Variants in DIXDC1 observed in about 807,000 individuals in gnomAD.
DIXDC1 encodes the protein dixin.
In DIXDC1, 64 loss-of-function variants were observed where a neutral mutation model predicts 103.1. That is an observed-to-expected ratio of 0.62 (90% CI 0.51 to 0.76). DIXDC1 has a LOEUF of 0.76. Among genes scored for constraint, DIXDC1 ranks in the 30% least tolerant of loss-of-function variants. DIXDC1 has a pLI of 0.00. For synonymous variants in DIXDC1, 266 were observed against 298.5 expected (o/e 0.89, Z 1.12); for missense variants, 759 against 834.2 (o/e 0.91, Z 1.11).
intron 18 of DIXDC1, 76 bp downstream of exon 18, chr11:112,016,872 G>A (rs1046905951): frequency 1.3e-5 from 17 of 1,273,242 alleles, no homozygotes; most frequent in Non-Finnish European, 1.8e-5. Context: ...CTGCCCACAT[G>A]AGCAGCTGAA....
chr11:112,000,149 T>A (rs1157786170), intron 17 of DIXDC1, among the ~76,000 whole-genome samples: 2 of 151,384 alleles, frequency 1.3e-5, no homozygotes, highest in Non-Finnish European at 2.9e-5. Context: ...ATAATAATAA[T>A]AAAATAAAAT....
intron 4 of DIXDC1, 102 bp from the exon 5 acceptor site, chr11:111,974,774 T>C (rs1254800545): frequency 6.6e-7 from 1 of 1,518,326 alleles, no homozygotes; most frequent in Non-Finnish European, 8.9e-7. Context: ...GTCTTACTCA[T>C]GTGTGTATAC....
rs184867243 is a variant in DIXDC1 at position 111,940,994 on chromosome 11, C to T, written c.60+3435C>T. 2.6e-5 allele frequency among the ~76,000 whole-genome samples: 4 copies of T among 152,080 alleles called. No homozygotes were observed. The East Asian group carries it at 7.8e-4, about 30-fold the overall frequency. On this transcript the variant is annotated intron_variant, in intron 1 of 19. Transcript: ENST00000440460. Reference sequence around the variant, plus strand: ...GCCAGGCACGGTGGTGCATGCCTGTCGTTTCAGCTCCCTGAGAAGCTGAGG... The same window carrying T: ...GCCAGGCACGGTGGTGCATGCCTGTTGTTTCAGCTCCCTGAGAAGCTGAGG...
At chr11:112,009,503 A>C (rs1478759746) in intron 17 of DIXDC1, among the ~76,000 whole-genome samples, 9 of 151,918 alleles carry the variant, frequency 5.9e-5, no homozygotes, top group African/African-American at 2.2e-4. Flanking sequence ...GAGACATAAC[A>C]AAAAAAAGAG....
At position 112,019,854 on chromosome 11, in the gene DIXDC1, G is replaced by C. The variant is rs879982403; in HGVS notation, c.*818G>C. 6 of 152,078 alleles carry C rather than the reference G, an allele frequency of 3.9e-5. No individual in the cohort carries two copies. Among genetic ancestry groups the C allele is most frequent in the African/African-American group, 1.4e-4 (6 of 41,384 alleles). 9.4% of individuals were successfully genotyped at this position (152,078 alleles called of 1,614,324 possible). The stretch of plus-strand genomic sequence containing the variant: ...GAAAAGCTCCTTGAAAATCCAGGCG[G>C]GTATGGAAAGGTGCTGCTACCCATA... On this transcript the variant is annotated 3_prime_UTR_variant, in exon 20 of 20. Transcript: ENST00000440460.
At chr11:111,945,431 A>G (rs1966560552) in intron 1 of DIXDC1, among the ~76,000 whole-genome samples, 1 of 152,194 alleles carries the variant, frequency 6.6e-6, no homozygotes, top group Non-Finnish European at 1.5e-5. Context: ...CAACCTGGTC[A>G]TAGGACCCAC....
At chr11:111,935,528 AG>A (rs1179974888), upstream of DIXDC1, among the ~76,000 whole-genome samples, 4 of 152,220 alleles carry the variant, frequency 2.6e-5, no homozygotes, top group East Asian at 7.7e-4. Flanking sequence ...TCAACCAATC[AG>A]GATCCTCTAC....
chr11:111,975,619 A>AT, intron 5 of DIXDC1: 1 of 985,998 alleles, frequency 1.0e-6, no homozygotes, highest in Non-Finnish European at 1.2e-6. Context: ...GCTCATGTAA[A>AT]TTGTGCTTCT....
chr11:112,004,115 T>C lies in DIXDC1; in HGVS notation c.1756+7969T>C, dbSNP rs1861160966. ...GTATATATATGTGTGTGTATATGTG[T>C]ATATATATATGTGTGTGTATATATA... On this transcript the variant is annotated intron_variant, in intron 17 of 19. Coordinates refer to ENST00000440460, the MANE Select transcript of DIXDC1 (RefSeq NM_001037954.4). Among the ~76,000 whole-genome samples, 7 of 149,682 alleles carry C rather than the reference T, an allele frequency of 4.7e-5. No homozygotes were observed. The South Asian group carries it at 1.5e-3, about 31-fold the overall frequency.
chr11:111,971,592 A>G (rs782111866), intron 3 of DIXDC1, among the ~76,000 whole-genome samples: 2 of 152,212 alleles, frequency 1.3e-5, no homozygotes, highest in African/African-American at 4.8e-5. Flanking sequence ...TATATACCCA[A>G]AGGAAAATAA....
At position 111,992,954 on chromosome 11, in the gene DIXDC1, G is replaced by T. The variant is rs1860754195; in HGVS notation, c.1222G>T (p.Asp408Tyr). The T allele has an allele frequency of 1.2e-6, 2 of 1,607,468 alleles. No homozygotes were observed. Among genetic ancestry groups the T allele is most frequent in the Non-Finnish European group, 1.7e-6 (2 of 1,177,168 alleles). The change falls in exon 12 of 20, where the codon GAT becomes TAT. Residue 408 changes from aspartate to tyrosine, a missense_variant. By Grantham distance (160) the Asp-to-Tyr change is radical. This residue lies in a region of DIXDC1 where 657 missense variants were observed against 727.5 expected (regional missense o/e 0.90). Transcript: ENST00000440460. ...GAATTCTTTCTTATTCTTGCAGGTG[G>T]ATCTGCAGAGGAAGCTAGATGAGAG... is the stretch of plus-strand genomic sequence containing the variant. ...DKDELHNQNV[D>Y]LQRKLDERNR...
chr11:111,931,292 T>C (rs1555167648), intron 2 of DIXDC1, among the ~76,000 whole-genome samples: 2 of 152,098 alleles, frequency 1.3e-5, no homozygotes, highest in African/African-American at 2.4e-5. Context: ...TGAGCTGTGA[T>C]TGTGCCTCTG....
rs181390904 is a variant in DIXDC1 at position 111,969,255 on chromosome 11, C to G, written c.316+617C>G. 6.4e-4 allele frequency among the ~76,000 whole-genome samples: 97 copies of G among 151,952 alleles called. No homozygotes were observed. The East Asian group carries it at 7.3e-3, about 11-fold the overall frequency. On this transcript the variant is annotated intron_variant, in intron 3 of 19. Transcript: ENST00000440460. The stretch of plus-strand genomic sequence containing the variant: ...CTATCCTGGGCAACATAGTTAGGCT[C>G]TGTCTCCATTTTTTAAAAAAGAGAG...
Position 111,977,671 on chromosome 11 carries a change from A to T in DIXDC1, c.656+2688A>T. On this transcript the variant is annotated intron_variant, in intron 5 of 19. Coordinates refer to ENST00000440460, the MANE Select transcript of DIXDC1 (RefSeq NM_001037954.4). This position sits in a 1 kb window ranked among gnomAD's most constrained non-coding sequence, Gnocchi z 6.1. ...TCCCGTGGAGGCGTTTTCCAGCCCC[A>T]GCGCGGGGAGACATGCCTGAATTTG... is the stretch of plus-strand genomic sequence containing the variant. The T allele has an allele frequency of 6.5e-7, 1 of 1,545,294 alleles. No homozygotes were observed. The highest frequency in any genetic ancestry group is 8.7e-7 in the Non-Finnish European group (1 of 1,143,874).
At chr11:111,943,656 C>T (rs1397729012) in intron 1 of DIXDC1, among the ~76,000 whole-genome samples, 3 of 152,032 alleles carry the variant, frequency 2.0e-5, no homozygotes, top group Non-Finnish European at 4.4e-5. Flanking sequence ...CGTGCCACCA[C>T]GCCTGGCTAA....
chr11:111,994,404 T>C (rs1555175027), intron 14 of DIXDC1, among the ~76,000 whole-genome samples: 2 of 151,542 alleles, frequency 1.3e-5, no homozygotes, highest in African/African-American at 4.9e-5. Flanking sequence ...AACATACATA[T>C]ATATATATAT....
At chr11:111,984,568 G>C (rs1278776445) in intron 7 of DIXDC1, among the ~76,000 whole-genome samples, 8 of 152,050 alleles carry the variant, frequency 5.3e-5, no homozygotes, top group Admixed American at 5.2e-4. Context: ...ATAATAATTA[G>C]GTATAGGACC....
At chr11:111,973,372 CAAA>C (rs782457239) in intron 3 of DIXDC1, among the ~76,000 whole-genome samples, 1 of 125,484 alleles carries the variant, frequency 8.0e-6, no homozygotes, top group African/African-American at 3.0e-5. Context: ...AACTCCATCT[CAAA>C]AAAAAAAAAA....
upstream of DIXDC1, among the ~76,000 whole-genome samples, chr11:111,933,475 G>A (rs1307373022): frequency 3.9e-5 from 6 of 151,976 alleles, no homozygotes; most frequent in Admixed American, 3.9e-4. Flanking sequence ...TCTTGCCCAG[G>A]CTGAAGTGGA....
Sources: allele counts gnomAD v4.1 joint callset (sites outside exome capture counted in the v4.1 genomes callset), GRCh38; gene constraint gnomAD v4.1.1; regional missense constraint gnomAD v4.1.1; non-coding constraint Gnocchi (gnomAD v3.1); transcripts MANE v1.5; gene names NCBI Gene and HGNC (gene_info 2026-07-23, HGNC 2026-07-21).